Variants in CCDC158 observed in about 807,000 individuals in gnomAD.
The protein encoded by CCDC158 is coiled-coil domain-containing protein 158.
A neutral mutation model predicts 138.6 loss-of-function variants in CCDC158; 116 were observed. The observed-to-expected ratio is 0.84, with a 90% CI of 0.72 to 0.98. The LOEUF (loss-of-function observed/expected upper bound fraction) is 0.98. Ranked by LOEUF, CCDC158 falls within the 50% of genes least tolerant of loss-of-function variation. CCDC158 has a pLI of 0.00. For missense variants in CCDC158, 1,265 were observed against 1,306.1 expected (o/e 0.97, Z 0.48); for synonymous variants, 436 against 442.4 (o/e 0.99, Z 0.18).
chr4:76,419,515 G>GCTCC (rs1729948195), intron 1 of CCDC158, among the ~76,000 whole-genome samples: 1 of 152,092 alleles, frequency 6.6e-6, no homozygotes, highest in East Asian at 1.9e-4. Flanking sequence ...TGTTGGCAGG[G>GCTCC]CTCCCTCCCT....
At chr4:76,377,349 C>T (rs10024787) in intron 9 of CCDC158, among the ~76,000 whole-genome samples, 4,479 of 152,232 alleles carry the variant, frequency 0.029, 222 homozygotes, top group African/African-American at 0.1. Flanking sequence ...CTTAATCTTT[C>T]CAAAATGATT....
intron 24 of CCDC158, among the ~76,000 whole-genome samples, chr4:76,317,109 G>GAACAA (rs1719473444): frequency 6.6e-6 from 1 of 151,390 alleles, no homozygotes; most frequent in Non-Finnish European, 1.5e-5. Context: ...CTAGTAGGAT[G>GAACAA]AACAAAACAG....
intron 18 of CCDC158, among the ~76,000 whole-genome samples, chr4:76,336,824 T>C (rs1369200114): frequency 6.6e-6 from 1 of 152,230 alleles, no homozygotes; most frequent in Non-Finnish European, 1.5e-5. Context: ...CTGGATGCTA[T>C]CGTTGAAACC....
intron 24 of CCDC158, among the ~76,000 whole-genome samples, chr4:76,319,171 C>T (rs934896751): frequency 1.4e-4 from 22 of 151,806 alleles, no homozygotes; most frequent in African/African-American, 5.1e-4. Flanking sequence ...ACTTGGGAGG[C>T]TGAGGCAGGA....
chr4:76,371,567 T>C, intron 9 of CCDC158, 31 bp from the exon 10 acceptor site: 1 of 1,609,592 alleles, frequency 6.2e-7, no homozygotes, highest in Non-Finnish European at 8.5e-7. Flanking sequence ...GAACAGTGTC[T>C]GATTATGACA....
chr4:76,408,883 C>T (rs1294612052), intron 2 of CCDC158, among the ~76,000 whole-genome samples: 1 of 152,236 alleles, frequency 6.6e-6, no homozygotes, highest in Non-Finnish European at 1.5e-5. Context: ...GCCATTCTAA[C>T]TGGTGTGAGA....
chr4:76,355,267 C>T lies in CCDC158; in HGVS notation c.2286+57G>A, dbSNP rs142857624. 7.0e-4 allele frequency: 745 copies of T among 1,065,170 alleles called. 5 individuals carry two copies. The African/African-American group carries it at 9.5e-3, about 14-fold the overall frequency. The allele number at this position is 1,065,170 out of a possible 1,614,324, so 66.0% of individuals were successfully genotyped here. A position where few individuals can be genotyped will look rare whatever the true frequency, so the allele number is the denominator to read the frequency against. Reference sequence around the variant, plus strand: ...ATCTCTGCTTCATCTTATTCTGCCTCGTGGTCTGCCTGTGAGTGAACATGT... The same window carrying T: ...ATCTCTGCTTCATCTTATTCTGCCTTGTGGTCTGCCTGTGAGTGAACATGT... On this transcript the variant is annotated intron_variant, in intron 15 of 24. Transcript: ENST00000682701.
At chr4:76,347,130 G>A (rs1473452077) in intron 18 of CCDC158, among the ~76,000 whole-genome samples, 5 of 152,154 alleles carry the variant, frequency 3.3e-5, no homozygotes, top group Non-Finnish European at 2.9e-5. Flanking sequence ...AATTCCTCAA[G>A]GATCTAGAAC....
intron 18 of CCDC158, among the ~76,000 whole-genome samples, chr4:76,347,621 C>T (rs947054682): frequency 3.9e-5 from 6 of 151,916 alleles, no homozygotes; most frequent in Non-Finnish European, 5.9e-5. Context: ...ACGGGTTGAT[C>T]GGTGCAGCAA....
intron 4 of CCDC158, among the ~76,000 whole-genome samples, chr4:76,385,581 A>C (rs1048300315): frequency 2.6e-5 from 4 of 152,198 alleles, no homozygotes; most frequent in Non-Finnish European, 5.9e-5. Flanking sequence ...CCAAAGGTAG[A>C]AAAAGTAGAC....
At chr4:76,407,827 A>T (rs1319959047) in intron 2 of CCDC158, among the ~76,000 whole-genome samples, 2 of 152,116 alleles carry the variant, frequency 1.3e-5, no homozygotes, top group Non-Finnish European at 2.9e-5. Context: ...AGAAAAGAAG[A>T]AAGAGGAAGG....
chr4:76,382,556 G>C, intron 8 of CCDC158, 54 bp downstream of exon 8: 1 of 1,078,512 alleles, frequency 9.3e-7, no homozygotes, highest in East Asian at 2.4e-5. Context: ...GAAAGTTAAT[G>C]AGAATAATAT....
In CCDC158 at chr4:76,348,352, G is replaced by A. The variant is rs565858389; in HGVS notation, c.2664+2644C>T. 2.2e-4 allele frequency among the ~76,000 whole-genome samples: 33 copies of A among 149,758 alleles called. No homozygotes were observed. The South Asian group carries it at 3.6e-3, about 16-fold the overall frequency. ...CGGGAGGCTGAGGCAGGAGAATGGC[G>A]TGAACCCGGAAGGCGGAGCTTGTGG... is the stretch of plus-strand genomic sequence containing the variant. On this transcript the variant is annotated intron_variant, in intron 18 of 24. Transcript: ENST00000682701.
At chr4:76,380,703 T>C (rs1201238834) in intron 8 of CCDC158, among the ~76,000 whole-genome samples, 1 of 151,254 alleles carries the variant, frequency 6.6e-6, no homozygotes, top group Non-Finnish European at 1.5e-5. Flanking sequence ...GCTGCAGAAA[T>C]TTGCATAAGA....
intron 15 of CCDC158, among the ~76,000 whole-genome samples, chr4:76,354,805 G>T (rs1723387902): frequency 6.6e-6 from 1 of 152,110 alleles, no homozygotes. Context: ...TAACATACGA[G>T]CTGCATATAT....
chr4:76,326,106 T>G (rs1720509260), intron 22 of CCDC158, 91 bp from the exon 23 acceptor site: 1 of 1,045,096 alleles, frequency 9.6e-7, no homozygotes, highest in Admixed American at 2.2e-5. Flanking sequence ...CATGAGAAAA[T>G]GTTCCCAATG....
chr4:76,371,408 T>C lies in CCDC158; in HGVS notation c.1149+9A>G. ...TTAGTCTTATTCATATTTTAAAGCA[T>C]AATCTTACCAACAGCTTTTGAAGTT... On this transcript the variant is annotated intron_variant, in intron 10 of 24. Transcript: ENST00000682701. 1.9e-6 allele frequency: 3 copies of C among 1,613,350 alleles called. No individual in the cohort carries two copies. The highest frequency in any genetic ancestry group is 8.5e-7 in the Non-Finnish European group (1 of 1,179,608).
chr4:76,386,610 C>A (rs1579048708), intron 4 of CCDC158, among the ~76,000 whole-genome samples: 1 of 152,352 alleles, frequency 6.6e-6, no homozygotes, highest in African/African-American at 2.4e-5. Flanking sequence ...ATTCTTTGTT[C>A]AAGATGCCAA....
At chr4:76,403,022 T>G in intron 3 of CCDC158, 116 bp downstream of exon 3, 4 of 689,692 alleles carry the variant, frequency 5.8e-6, no homozygotes, top group Non-Finnish European at 9.9e-6. Context: ...TAGACATTCA[T>G]GATCATGGTC....
Sources: allele counts gnomAD v4.1 joint callset (sites outside exome capture counted in the v4.1 genomes callset), GRCh38; gene constraint gnomAD v4.1.1; transcripts MANE v1.5; gene names NCBI Gene and HGNC (gene_info 2026-07-23, HGNC 2026-07-21).